SLC25A42: variants seen among roughly 807,000 people sequenced by gnomAD.
The protein encoded by SLC25A42 is mitochondrial coenzyme A transporter SLC25A42.
SLC25A42 carries 19 observed loss-of-function variants against 34.7 expected under a neutral mutation model. That is an observed-to-expected ratio of 0.55 (90% CI 0.38 to 0.80). The LOEUF (loss-of-function observed/expected upper bound fraction) is 0.80. Among genes scored for constraint, SLC25A42 ranks in the 30% least tolerant of loss-of-function variants. The pLI, the probability that SLC25A42 is intolerant of heterozygous loss-of-function variation, is 0.00. For synonymous variants in SLC25A42, 205 were observed against 191.2 expected (o/e 1.07, Z -0.59); for missense variants, 364 against 441.3 (o/e 0.82, Z 1.57).
chr19:19,108,185 C>A lies in SLC25A42; in HGVS notation c.649+140C>A, dbSNP rs969792563. On this transcript the variant is annotated intron_variant, in intron 7 of 7. Coordinates refer to ENST00000318596, the MANE Select transcript of SLC25A42 (RefSeq NM_178526.5). ...GGTGGGGCAGGCTGTAGACCCACATCCAAATCGGGAGAAAACACACTGTGT... is the reference window on the plus strand; with the variant it reads ...GGTGGGGCAGGCTGTAGACCCACATACAAATCGGGAGAAAACACACTGTGT... 4.5e-5 allele frequency: 41 copies of A among 903,044 alleles called. No individual in the cohort carries two copies. The African/African-American group carries it at 6.7e-4, about 15-fold the overall frequency. The allele number at this position is 903,044 out of a possible 1,614,324, so 55.9% of individuals were successfully genotyped here.
intron 1 of SLC25A42, among the ~76,000 whole-genome samples, chr19:19,082,375 C>T (rs1227402924): frequency 6.6e-6 from 1 of 152,132 alleles, no homozygotes; most frequent in African/African-American, 2.4e-5. Flanking sequence ...CGTTCTGGTC[C>T]TTTTCCTTTT....
rs760686291 is a variant in SLC25A42 at position 19,105,556 on chromosome 19, T to G, written c.214-5T>G. 1.2e-6 allele frequency: 2 copies of G among 1,608,834 alleles called. No homozygotes were observed. Among genetic ancestry groups the G allele is most frequent in the Admixed American group, 3.3e-5 (2 of 59,730 alleles). On this transcript the variant is annotated splice_polypyrimidine_tract_variant and splice_region_variant and intron_variant, in intron 4 of 7. Coordinates refer to ENST00000318596, the MANE Select transcript of SLC25A42 (RefSeq NM_178526.5). ...AGGGATGTTGACCTTCCCGCTTATC[T>G]CCAGGAGGCCTTCCGGGTCCTCTAC... is the stretch of plus-strand genomic sequence containing the variant.
intron 1 of SLC25A42, among the ~76,000 whole-genome samples, chr19:19,082,392 C>T (rs2059685926): frequency 6.6e-6 from 1 of 152,180 alleles, no homozygotes; most frequent in African/African-American, 2.4e-5. Flanking sequence ...TTTTCCTTTC[C>T]TTTCCTGACA....
intron 1 of SLC25A42, among the ~76,000 whole-genome samples, chr19:19,093,713 T>C (rs763032141): frequency 6.6e-6 from 1 of 152,174 alleles, no homozygotes; most frequent in Non-Finnish European, 1.5e-5. Flanking sequence ...AGTCTCGCTG[T>C]GTCACCCAGG....
At chr19:19,080,094 G>GA (rs985104060) in intron 1 of SLC25A42, among the ~76,000 whole-genome samples, 8 of 152,236 alleles carry the variant, frequency 5.3e-5, no homozygotes, top group African/African-American at 1.7e-4. Flanking sequence ...GTCAGGAGGA[G>GA]AACGGGTGTT....
At chr19:19,096,455 C>T (rs573382512) in intron 2 of SLC25A42, among the ~76,000 whole-genome samples, 1 of 152,190 alleles carries the variant, frequency 6.6e-6, no homozygotes, top group South Asian at 2.1e-4. Flanking sequence ...CCCAAATACT[C>T]CATCATGGGA....
intron 1 of SLC25A42, among the ~76,000 whole-genome samples, chr19:19,068,695 G>A (rs970368227): frequency 1.3e-5 from 2 of 151,318 alleles, no homozygotes; most frequent in African/African-American, 2.4e-5. Context: ...AAAAATAGCC[G>A]GGTGTGGTGG....
At position 19,096,067 on chromosome 19, in the gene SLC25A42, T is replaced by C. The variant is rs759460766; in HGVS notation, c.-34-24T>C. 2.7e-6 allele frequency: 4 copies of C among 1,484,526 alleles called. No homozygotes were observed. In the South Asian group the frequency reaches 3.4e-5, roughly 13 times the overall value. 92.0% of individuals were successfully genotyped at this position (1,484,526 alleles called of 1,614,324 possible). ...CATCTCTCAGGATCTCGCCGTATCT[T>C]ACCACCTCCCCTTACCCCCCCAGGA... On this transcript the variant is annotated intron_variant, in intron 1 of 7. Coordinates refer to ENST00000318596, the MANE Select transcript of SLC25A42 (RefSeq NM_178526.5).
At chr19:19,070,295 A>AT (rs11390931) in intron 1 of SLC25A42, among the ~76,000 whole-genome samples, 49,874 of 104,814 alleles carry the variant, frequency 0.48, 13,619 homozygotes, top group Non-Finnish European at 0.59. Context: ...CTGCCTGGCC[A>AT]TTTTTTTTTT....
At chr19:19,102,343 T>C (rs1599686672) in intron 3 of SLC25A42, among the ~76,000 whole-genome samples, 1 of 151,942 alleles carries the variant, frequency 6.6e-6, no homozygotes, top group African/African-American at 2.4e-5. Context: ...CCAGGCTGGC[T>C]TCAAAGTCCT....
At chr19:19,071,237 GT>G (rs2059628653) in intron 1 of SLC25A42, among the ~76,000 whole-genome samples, 1 of 152,018 alleles carries the variant, frequency 6.6e-6, no homozygotes, top group African/African-American at 2.4e-5. Flanking sequence ...AAACCCCTGG[GT>G]TCAAGCCATC....
intron 1 of SLC25A42, among the ~76,000 whole-genome samples, chr19:19,069,785 G>C (rs138855421): frequency 1.1e-3 from 160 of 151,750 alleles, no homozygotes; most frequent in African/African-American, 3.8e-3. Context: ...CTGCTGAGTA[G>C]CTGGGACTAT....
rs1478732081 is a variant in SLC25A42, at chr19:19,081,161, G to C, written c.-34-14930G>C. On this transcript the variant is annotated intron_variant, in intron 1 of 7. Transcript: ENST00000318596. The surrounding 1 kb of genome is among the most constrained non-coding windows in gnomAD (Gnocchi z 4.5). The stretch of plus-strand genomic sequence containing the variant: ...AAGAATAAAGAAAAGAAAGGAGGGA[G>C]GAAGGGAGGGAAAGAGAGGAAGGGA... Among the ~76,000 whole-genome samples the C allele has an allele frequency of 2.0e-5, 3 of 151,784 alleles. No individual in the cohort carries two copies. Among genetic ancestry groups the C allele is most frequent in the African/African-American group, 7.3e-5 (3 of 41,290 alleles).
chr19:19,104,394 C>G (rs1369071665), intron 3 of SLC25A42, among the ~76,000 whole-genome samples: 1 of 152,204 alleles, frequency 6.6e-6, no homozygotes, highest in Non-Finnish European at 1.5e-5. Context: ...CGTTTGTGGC[C>G]TGTTTTTCTG....
At chr19:19,088,610 C>T (rs981668273) in intron 1 of SLC25A42, among the ~76,000 whole-genome samples, 2 of 152,104 alleles carry the variant, frequency 1.3e-5, no homozygotes. Flanking sequence ...CTGCCTCAGC[C>T]TCCTCAGTAG....
At chr19:19,073,853 C>T (rs181341242) in intron 1 of SLC25A42, among the ~76,000 whole-genome samples, 5 of 152,134 alleles carry the variant, frequency 3.3e-5, no homozygotes, top group African/African-American at 4.8e-5. Flanking sequence ...GGATTAAAGG[C>T]GTGAGCCACT....
intron 7 of SLC25A42, among the ~76,000 whole-genome samples, chr19:19,108,879 C>T (rs999920756): frequency 9.9e-5 from 15 of 151,784 alleles, no homozygotes; most frequent in African/African-American, 3.6e-4. Flanking sequence ...CTGCCTTGGC[C>T]TCCCAAAGTG....
At chr19:19,083,426 T>C (rs1029209728) in intron 1 of SLC25A42, among the ~76,000 whole-genome samples, 2 of 152,236 alleles carry the variant, frequency 1.3e-5, no homozygotes, top group Non-Finnish European at 2.9e-5. Flanking sequence ...AGTGCCATTA[T>C]TGAGTCTAAC....
At chr19:19,105,008 G>A (rs1599689233) in intron 4 of SLC25A42, 70 bp downstream of exon 4, 2 of 1,583,420 alleles carry the variant, frequency 1.3e-6, no homozygotes, top group East Asian at 4.5e-5. Context: ...CAGGAGTTAG[G>A]CAGGTGGTCT....
Sources: allele counts gnomAD v4.1 joint callset (sites outside exome capture counted in the v4.1 genomes callset), GRCh38; gene constraint gnomAD v4.1.1; non-coding constraint Gnocchi (gnomAD v3.1); transcripts MANE v1.5; gene names NCBI Gene and HGNC (gene_info 2026-07-23, HGNC 2026-07-21).